The following SV2C variants were observed in gnomAD, a reference collection of about 807,000 sequenced individuals.
The protein encoded by SV2C is synaptic vesicle glycoprotein 2C.
Under a neutral mutation model 79.7 loss-of-function variants are expected in SV2C, and 49 were observed. That is an observed-to-expected ratio of 0.61 (90% CI 0.49 to 0.78). The LOEUF (loss-of-function observed/expected upper bound fraction) is 0.78. Ranked by LOEUF, SV2C falls within the 30% of genes least tolerant of loss-of-function variation. The pLI is 0.00. For missense variants in SV2C, 833 were observed against 912.9 expected, an observed-to-expected ratio of 0.91 and a Z score of 1.13; for synonymous variants, 334 against 333.2, an observed-to-expected ratio of 1.00 and a Z score of -0.03.
the SV2C span, among the ~76,000 whole-genome samples, chr5:76,037,848 T>G: frequency 6.6e-6 from 1 of 152,226 alleles, no homozygotes; most frequent in Non-Finnish European, 1.5e-5. Context: ...CCAGCCTCGT[T>G]GCCGCCTTGC....
At position 76,291,347 on chromosome 5, in the gene SV2C, C is replaced by T. The variant is rs183084409; in HGVS notation, c.1248+16C>T. 94 of 1,559,620 alleles carry T rather than the reference C, an allele frequency of 6.0e-5. No homozygotes were observed. The African/African-American group carries it at 1.2e-3, about 20-fold the overall frequency. ...GCTGTACGGAGTAAGTAACAAGTCC[C>T]ATGATGACCTGCATGTTAATTTATT... On this transcript the variant is annotated intron_variant, in intron 7 of 12. Coordinates refer to ENST00000502798, the MANE Select transcript of SV2C (RefSeq NM_014979.4).
the SV2C span, among the ~76,000 whole-genome samples, chr5:75,877,613 T>C: frequency 1.7e-5 from 2 of 116,890 alleles, no homozygotes; most frequent in African/African-American, 7.2e-5. Flanking sequence ...AAAAAAAAAA[T>C]CAAATTGAAA....
At chr5:76,216,636 C>T (rs1744914041) in intron 4 of SV2C, among the ~76,000 whole-genome samples, 1 of 152,168 alleles carries the variant, frequency 6.6e-6, no homozygotes, top group African/African-American at 2.4e-5. Context: ...CGTTCTCAAG[C>T]CTAGGCCTTC....
intron 1 of SV2C, among the ~76,000 whole-genome samples, chr5:76,107,008 G>A (rs749222092): frequency 1.6e-4 from 25 of 152,086 alleles, no homozygotes; most frequent in Non-Finnish European, 2.6e-4. Flanking sequence ...AAGAATGAAC[G>A]TATTCACAAA....
chr5:76,161,442 G>A (rs749916412), intron 2 of SV2C, among the ~76,000 whole-genome samples: 1 of 152,088 alleles, frequency 6.6e-6, no homozygotes, highest in South Asian at 2.1e-4. Context: ...TCTCTGTCAC[G>A]CAGGCTGGAG....
chr5:76,094,513 G>C (rs1197773253), intron 1 of SV2C, among the ~76,000 whole-genome samples: 1 of 152,036 alleles, frequency 6.6e-6, no homozygotes, highest in Non-Finnish European at 1.5e-5. Context: ...TGTCATTGCT[G>C]AATGCATAGT....
intron 1 of SV2C, among the ~76,000 whole-genome samples, chr5:76,090,654 C>G (rs1336034090): frequency 6.6e-6 from 1 of 152,128 alleles, no homozygotes; most frequent in Admixed American, 6.6e-5. Context: ...CCTGTAATTG[C>G]TGAACAAATG....
At chr5:76,212,366 G>C (rs142966206) in intron 4 of SV2C, among the ~76,000 whole-genome samples, 11 of 152,250 alleles carry the variant, frequency 7.2e-5, no homozygotes, top group African/African-American at 2.6e-4. Context: ...GTAGCCAGAA[G>C]TGCTGCCCCA....
chr5:76,348,505 C>T (rs761004599), intron 12 of SV2C, among the ~76,000 whole-genome samples: 13 of 152,236 alleles, frequency 8.5e-5, no homozygotes, highest in East Asian at 7.7e-4. Flanking sequence ...TGTAAGAAAC[C>T]GCGAAACTGA....
chr5:75,939,690 A>G, the SV2C span, among the ~76,000 whole-genome samples: 1 of 152,166 alleles, frequency 6.6e-6, no homozygotes, highest in Non-Finnish European at 1.5e-5. Flanking sequence ...TAGTCAGGTC[A>G]GGTGAAATTA....
chr5:76,237,431 A>C (rs1468533488), intron 4 of SV2C, among the ~76,000 whole-genome samples: 2 of 152,092 alleles, frequency 1.3e-5, no homozygotes, highest in African/African-American at 4.8e-5. Flanking sequence ...TACTGAAGAC[A>C]TTTCTCCGAG....
At chr5:75,996,993 C>T in the SV2C span, among the ~76,000 whole-genome samples, 60,633 of 136,920 alleles carry the variant, frequency 0.44, 14,439 homozygotes, top group Middle Eastern at 0.63. Context: ...TCCTGCCTGA[C>T]TGTCCTGGCC....
chr5:76,116,286 C>T (rs1353021324), intron 1 of SV2C, among the ~76,000 whole-genome samples: 1 of 152,186 alleles, frequency 6.6e-6, no homozygotes, highest in African/African-American at 2.4e-5. Flanking sequence ...TGCTATCTGT[C>T]TTGCCTCAAG....
Position 76,209,869 on chromosome 5 carries a change from G to T in SV2C, c.895G>T (p.Ala299Ser). 6.2e-7 allele frequency: 1 copy of T among 1,613,586 alleles called. No individual in the cohort carries two copies. Among genetic ancestry groups the T allele is most frequent in the South Asian group, 1.1e-5 (1 of 90,952 alleles). The change falls in exon 4 of 13, where the codon GCC (alanine) becomes TCC (serine). Residue 299 changes from alanine (A) to serine (S), a missense_variant. Coordinates refer to ENST00000502798, the MANE Select transcript of SV2C (RefSeq NM_014979.4). ...CATCTACGCCTCTGCCATGGCCTGG[G>T]CCATCATCCCGCACTACGGTAAGAG... ...GGIYASAMAW[A>S]IIPHYGWSFS...
the SV2C span, among the ~76,000 whole-genome samples, chr5:75,904,193 AT>A: frequency 3.3e-5 from 5 of 151,980 alleles, no homozygotes; most frequent in Non-Finnish European, 7.4e-5. Flanking sequence ...TTTTTTCCTG[AT>A]TCAGGTGATT....
In SV2C at chr5:76,144,311, C is replaced by T. The variant is rs117658713; in HGVS notation, c.580+11981C>T. 8.1e-4 allele frequency among the ~76,000 whole-genome samples: 124 copies of T among 152,268 alleles called. 3 individuals carry two copies. In the East Asian group the frequency reaches 0.02, roughly 25 times the overall value. ...GCTGAGAAACTGCTGAAAACCCTAA[C>T]GAAAGCACTTTCCAGATCCAACTTA... On this transcript the variant is annotated intron_variant, in intron 2 of 12. Coordinates refer to ENST00000502798, the MANE Select transcript of SV2C (RefSeq NM_014979.4).
At chr5:75,898,655 C>T in the SV2C span, among the ~76,000 whole-genome samples, 1 of 152,156 alleles carries the variant, frequency 6.6e-6, no homozygotes, top group Non-Finnish European at 1.5e-5. Context: ...ACCAGTTCCT[C>T]CTTGTACCTC....
intron 4 of SV2C, chr5:76,242,151 C>G (rs1189529142): frequency 7.6e-7 from 1 of 1,316,852 alleles, no homozygotes; most frequent in Non-Finnish European, 1.1e-6. Context: ...TACCTTCTCT[C>G]CCTTCTTTGC....
intron 1 of SV2C, among the ~76,000 whole-genome samples, chr5:76,112,241 G>A (rs1748117167): frequency 1.3e-5 from 2 of 152,172 alleles, no homozygotes; most frequent in Admixed American, 6.5e-5. Context: ...TGGCATAAAG[G>A]ATCAGGGCAT....
Sources: allele counts gnomAD v4.1 joint callset (sites outside exome capture counted in the v4.1 genomes callset), GRCh38; gene constraint gnomAD v4.1.1; transcripts MANE v1.5; gene names NCBI Gene and HGNC (gene_info 2026-07-23, HGNC 2026-07-21).